Variants in CTNNA1 observed in about 807,000 individuals in gnomAD.
CTNNA1 encodes catenin alpha-1.
CTNNA1 carries 37 observed loss-of-function variants against 98.4 expected under a neutral mutation model. The observed-to-expected ratio is 0.38, with a 90% CI of 0.29 to 0.49. CTNNA1 has a LOEUF of 0.49. Among genes scored for constraint, CTNNA1 ranks in the 20% least tolerant of loss-of-function variants. The pLI, the probability that CTNNA1 is intolerant of heterozygous loss-of-function variation, is 0.95. For synonymous variants in CTNNA1, 404 were observed against 413.2 expected, an observed-to-expected ratio of 0.98 and a Z score of 0.27; for missense variants, 761 against 1,147.2, an observed-to-expected ratio of 0.66 and a Z score of 4.86.
At chr5:138,779,851 G>A (rs1278566382) in intron 1 of CTNNA1, among the ~76,000 whole-genome samples, 1 of 151,948 alleles carries the variant, frequency 6.6e-6, no homozygotes, top group Non-Finnish European at 1.5e-5. Flanking sequence ...GAGCAGCTGG[G>A]ATTACGGGCG....
chr5:138,901,144 C>A (rs1757940237), intron 9 of CTNNA1, among the ~76,000 whole-genome samples: 1 of 151,276 alleles, frequency 6.6e-6, no homozygotes, highest in South Asian at 2.1e-4. Context: ...CTTCCGCTCC[C>A]CTCCCCTCCC....
chr5:138,779,326 C>T (rs773496226), intron 1 of CTNNA1, among the ~76,000 whole-genome samples: 13 of 152,022 alleles, frequency 8.6e-5, no homozygotes, highest in Non-Finnish European at 1.8e-4. Context: ...TTTGAGGATC[C>T]CTATGGTCTT....
intron 11 of CTNNA1, among the ~76,000 whole-genome samples, chr5:138,918,968 A>G (rs75843237): frequency 7.0e-4 from 107 of 152,284 alleles, no homozygotes; most frequent in Admixed American, 1.2e-3. Flanking sequence ...CTGCATACCA[A>G]TGCCTCCCTG....
At position 138,851,454 on chromosome 5, in the gene CTNNA1, G is replaced by A. The variant is rs183027203; in HGVS notation, c.1062+23736G>A. ...GTCTCTAAGCAGGAGAGGTGTACACGTGGTTAACATGGGTGCTACCTGGCT... is the reference window on the plus strand; with the variant it reads ...GTCTCTAAGCAGGAGAGGTGTACACATGGTTAACATGGGTGCTACCTGGCT... On this transcript the variant is annotated intron_variant, in intron 7 of 17. Coordinates refer to ENST00000302763, the MANE Select transcript of CTNNA1 (RefSeq NM_001903.5). Among the ~76,000 whole-genome samples the A allele has an allele frequency of 7.9e-5, 12 of 152,226 alleles. No individual in the cohort carries two copies. In the East Asian group the frequency reaches 2.1e-3, roughly 27 times the overall value.
intron 10 of CTNNA1, chr5:138,904,665 A>G: frequency 1.8e-6 from 1 of 551,874 alleles, no homozygotes; most frequent in South Asian, 3.4e-5. Context: ...TTCATTGAAA[A>G]TGCACAGTGG....
chr5:138,764,620 C>T (rs1025496482), intron 1 of CTNNA1, among the ~76,000 whole-genome samples: 2 of 151,290 alleles, frequency 1.3e-5, no homozygotes, highest in Non-Finnish European at 2.9e-5. Flanking sequence ...TACAGGCATG[C>T]ACCACCACGC....
chr5:138,810,869 G>A (rs1184441360), intron 4 of CTNNA1, among the ~76,000 whole-genome samples: 2 of 151,832 alleles, frequency 1.3e-5, no homozygotes, highest in African/African-American at 2.4e-5. Context: ...AGGGGCGGCC[G>A]GGCAGAGGCG....
chr5:138,920,853 C>T (rs1210338671), intron 11 of CTNNA1, among the ~76,000 whole-genome samples: 2 of 152,144 alleles, frequency 1.3e-5, no homozygotes, highest in African/African-American at 2.4e-5. Flanking sequence ...ATACTTAGAA[C>T]AAGTCATGTC....
chr5:138,927,479 C>T (rs1310754395), intron 13 of CTNNA1, among the ~76,000 whole-genome samples: 1 of 150,888 alleles, frequency 6.6e-6, no homozygotes, highest in East Asian at 2.0e-4. Context: ...CCCGCCCCCC[C>T]TTCCCCCTCC....
At chr5:138,854,574 A>C (rs1218694711) in intron 7 of CTNNA1, among the ~76,000 whole-genome samples, 1 of 152,224 alleles carries the variant, frequency 6.6e-6, no homozygotes, top group Non-Finnish European at 1.5e-5. Context: ...AATAGCGTAA[A>C]ATATAGAAAT....
chr5:138,774,765 G>T (rs1435029708), intron 1 of CTNNA1, among the ~76,000 whole-genome samples: 1 of 152,068 alleles, frequency 6.6e-6, no homozygotes, highest in African/African-American at 2.4e-5. Flanking sequence ...GGGACTACAG[G>T]CGCCCACCAC....
intron 9 of CTNNA1, among the ~76,000 whole-genome samples, chr5:138,896,988 A>G (rs1337188844): frequency 2.6e-5 from 4 of 152,110 alleles, no homozygotes; most frequent in Non-Finnish European, 5.9e-5. Flanking sequence ...TTCTGAGTAC[A>G]TTTTCAATTT....
chr5:138,781,874 C>A, intron 1 of CTNNA1, 49 bp from the exon 2 acceptor site: 2 of 1,506,446 alleles, frequency 1.3e-6, no homozygotes, highest in Non-Finnish European at 8.9e-7. Flanking sequence ...TTACATATTT[C>A]ATGTTTGTGT....
intron 9 of CTNNA1, among the ~76,000 whole-genome samples, chr5:138,889,245 G>C (rs1054273100): frequency 6.6e-6 from 1 of 152,200 alleles, no homozygotes; most frequent in Non-Finnish European, 1.5e-5. Context: ...GGCAGCTGAA[G>C]AGAGGGCAGT....
intron 1 of CTNNA1, among the ~76,000 whole-genome samples, chr5:138,779,471 C>T (rs1229403925): frequency 6.6e-6 from 1 of 152,092 alleles, no homozygotes; most frequent in African/African-American, 2.4e-5. Context: ...TGTCCCCTTT[C>T]CGCACAATAC....
chr5:138,858,495 T>C (rs1175301433), intron 7 of CTNNA1, among the ~76,000 whole-genome samples: 1 of 152,182 alleles, frequency 6.6e-6, no homozygotes, highest in East Asian at 1.9e-4. Flanking sequence ...TTGGTGAATT[T>C]CGATAAAGGC....
At chr5:138,818,892 G>A (rs922444445) in intron 5 of CTNNA1, among the ~76,000 whole-genome samples, 1 of 152,156 alleles carries the variant, frequency 6.6e-6, no homozygotes, top group African/African-American at 2.4e-5. Flanking sequence ...AACTTACTGT[G>A]GCACCTGGAT....
chr5:138,764,360 CTG>C (rs1312909257), intron 1 of CTNNA1, among the ~76,000 whole-genome samples: 2 of 152,002 alleles, frequency 1.3e-5, no homozygotes, highest in African/African-American at 4.8e-5. Context: ...GAGTGAAACT[CTG>C]TCTCAACAAA....
At chr5:138,792,516 C>T (rs1477148500) in intron 3 of CTNNA1, among the ~76,000 whole-genome samples, 4 of 152,302 alleles carry the variant, frequency 2.6e-5, no homozygotes, top group East Asian at 1.9e-4. Context: ...GAGTTTGAGA[C>T]GTAGACAGGA....
Sources: gnomAD v4.1 joint callset for allele counts (sites outside exome capture counted in the v4.1 genomes callset) on GRCh38, gnomAD v4.1.1 for gene constraint, MANE v1.5 for transcripts, NCBI Gene and HGNC (gene_info 2026-07-23, HGNC 2026-07-21) for gene names.